Variants in NTM observed in about 807,000 individuals in gnomAD.
NTM encodes the protein neurotrimin.
In NTM, 13 loss-of-function variants were observed where a neutral mutation model predicts 42.1. That is an observed-to-expected ratio of 0.31 (90% CI 0.20 to 0.49). The LOEUF (loss-of-function observed/expected upper bound fraction) is 0.49, where lower values mean the gene tolerates loss of function less well. NTM is among the 20% of genes least tolerant of loss of function. The pLI is 0.99. For missense variants in NTM, 373 were observed against 452.8 expected (o/e 0.82, Z 1.60); for synonymous variants, 187 against 179.2 (o/e 1.04, Z -0.35).
At chr11:132,104,066 G>T (rs1198963741) in intron 2 of NTM, among the ~76,000 whole-genome samples, 5 of 152,160 alleles carry the variant, frequency 3.3e-5, no homozygotes, top group African/African-American at 9.7e-5. Context: ...ATGCAGACCG[G>T]GACTGTGTTT....
chr11:132,048,049 C>A (rs11222886), intron 2 of NTM, among the ~76,000 whole-genome samples: 13,329 of 151,860 alleles, frequency 0.088, 771 homozygotes, highest in Non-Finnish European at 0.13. Context: ...TACATGGGCT[C>A]ATGCTTGCAT....
In NTM at chr11:132,255,578, C is replaced by G. The variant is rs181015398; in HGVS notation, c.526+43431C>G. On this transcript the variant is annotated intron_variant, in intron 4 of 8. Coordinates refer to ENST00000683400, the MANE Select transcript of NTM (RefSeq NM_001352005.2). Reference sequence around the variant, plus strand: ...CACCTTTCAGAATGAAGCTCACTGCCCAGTCAGAGAAGGGGGTGCGGAGTG... The same window carrying G: ...CACCTTTCAGAATGAAGCTCACTGCGCAGTCAGAGAAGGGGGTGCGGAGTG... 8.1e-3 allele frequency among the ~76,000 whole-genome samples: 1,233 copies of G among 152,262 alleles called. 12 individuals carry two copies. Among genetic ancestry groups the G allele is most frequent in the Non-Finnish European group, 0.013 (861 of 68,026 alleles).
intron 2 of NTM, among the ~76,000 whole-genome samples, chr11:132,088,027 A>G (rs2059942018): frequency 6.6e-6 from 1 of 152,218 alleles, no homozygotes; most frequent in Non-Finnish European, 1.5e-5. Flanking sequence ...CAGTGGACAC[A>G]GCCATGCACC....
At position 131,727,198 on chromosome 11, in the gene NTM, T is replaced by C. The variant is rs1468540219; in HGVS notation, c.83-184366T>C. 3.3e-5 allele frequency among the ~76,000 whole-genome samples: 5 copies of C among 151,932 alleles called. 1 individual carries two copies. The highest frequency in any genetic ancestry group is 3.3e-4 in the Admixed American group (5 of 15,278). On this transcript the variant is annotated intron_variant, in intron 1 of 8. Coordinates refer to ENST00000683400, the MANE Select transcript of NTM (RefSeq NM_001352005.2). ...AGCAGAGTTCTGTTAGGAAGACAAATTGTGTGGTCCTCTTGGAGCATCTGG... is the reference window on the plus strand; with the variant it reads ...AGCAGAGTTCTGTTAGGAAGACAAACTGTGTGGTCCTCTTGGAGCATCTGG...
chr11:131,484,173 C>T (rs1027004020), intron 1 of NTM, among the ~76,000 whole-genome samples: 1 of 152,076 alleles, frequency 6.6e-6, no homozygotes, highest in African/African-American at 2.4e-5. Flanking sequence ...AATTTTCTGC[C>T]TGCATTATGT....
At chr11:132,028,715 G>T (rs948792637) in intron 2 of NTM, among the ~76,000 whole-genome samples, 1 of 152,078 alleles carries the variant, frequency 6.6e-6, no homozygotes, top group African/African-American at 2.4e-5. Context: ...CTGCAGTTGG[G>T]TATTTTCCCT....
intron 1 of NTM, among the ~76,000 whole-genome samples, chr11:131,494,601 T>C (rs318961): frequency 0.19 from 29,378 of 152,212 alleles, 3,065 homozygotes; most frequent in Admixed American, 0.28. Flanking sequence ...GATTGGTCAC[T>C]CCATTGCATG....
chr11:131,944,449 T>C (rs780469436), intron 2 of NTM, among the ~76,000 whole-genome samples: 1 of 152,204 alleles, frequency 6.6e-6, no homozygotes, highest in Non-Finnish European at 1.5e-5. Flanking sequence ...GCAGTTTGGA[T>C]GTCCACAGCT....
intron 1 of NTM, among the ~76,000 whole-genome samples, chr11:131,847,637 A>G (rs555859537): frequency 6.6e-6 from 1 of 152,250 alleles, no homozygotes; most frequent in South Asian, 2.1e-4. Context: ...CAGGTAAAAA[A>G]TCAGTCCAGG....
chr11:131,723,616 T>C (rs888220281), intron 1 of NTM, among the ~76,000 whole-genome samples: 1 of 152,210 alleles, frequency 6.6e-6, no homozygotes, highest in Non-Finnish European at 1.5e-5. Flanking sequence ...CTAAATTCCA[T>C]GTTAAGAATA....
intron 1 of NTM, among the ~76,000 whole-genome samples, chr11:131,462,420 A>G (rs1401753295): frequency 6.6e-6 from 1 of 152,244 alleles, no homozygotes; most frequent in Non-Finnish European, 1.5e-5. Flanking sequence ...AAAAACAAAC[A>G]GTGACCCAAC....
chr11:132,049,604 T>G (rs1322690895), intron 2 of NTM, among the ~76,000 whole-genome samples: 2 of 152,158 alleles, frequency 1.3e-5, no homozygotes, highest in Non-Finnish European at 2.9e-5. Flanking sequence ...TCAGCATGGC[T>G]GGAGATGAGA....
chr11:132,017,063 A>G (rs1323192315), intron 2 of NTM, among the ~76,000 whole-genome samples: 4 of 151,860 alleles, frequency 2.6e-5, no homozygotes. Context: ...ATGATTTGCA[A>G]ATATATTTTC....
chr11:131,495,948 G>A (rs370524844), intron 1 of NTM, among the ~76,000 whole-genome samples: 3 of 152,326 alleles, frequency 2.0e-5, no homozygotes, highest in African/African-American at 7.2e-5. Flanking sequence ...GATGTTGAGG[G>A]TTTGAAAAAT....
intron 1 of NTM, among the ~76,000 whole-genome samples, chr11:131,516,262 A>G (rs1163535402): frequency 2.0e-5 from 3 of 152,224 alleles, no homozygotes; most frequent in Admixed American, 6.5e-5. Flanking sequence ...TATTCTATAC[A>G]TAGAACAGAT....
At chr11:131,741,021 C>T (rs554893710) in intron 1 of NTM, among the ~76,000 whole-genome samples, 8 of 152,148 alleles carry the variant, frequency 5.3e-5, no homozygotes, top group South Asian at 2.1e-4. Flanking sequence ...AAAAATTAAC[C>T]GGGCATGGTG....
At chr11:132,017,643 G>T (rs375609206) in intron 2 of NTM, among the ~76,000 whole-genome samples, 1 of 151,852 alleles carries the variant, frequency 6.6e-6, no homozygotes, top group African/African-American at 2.4e-5. Context: ...TATATCTTTT[G>T]CATATCTATA....
intron 2 of NTM, among the ~76,000 whole-genome samples, chr11:132,125,066 C>T (rs1477939310): frequency 1.3e-5 from 2 of 152,154 alleles, no homozygotes; most frequent in Non-Finnish European, 2.9e-5. Flanking sequence ...GCACAACCTT[C>T]CCAGACACAC....
At chr11:132,055,648 TGAGAGA>T (rs143882473) in intron 2 of NTM, among the ~76,000 whole-genome samples, 1 of 139,714 alleles carries the variant, frequency 7.2e-6, no homozygotes. Context: ...CATGTGTGTG[TGAGAGA>T]GAGAGAGAGC....
Sources: gnomAD v4.1 joint callset for allele counts (sites outside exome capture counted in the v4.1 genomes callset) on GRCh38, gnomAD v4.1.1 for gene constraint, MANE v1.5 for transcripts, NCBI Gene and HGNC (gene_info 2026-07-23, HGNC 2026-07-21) for gene names.